GRIA2: variants seen among roughly 807,000 people sequenced by gnomAD.
GRIA2 encodes the protein glutamate ionotropic receptor AMPA type subunit 2.
A neutral mutation model predicts 97.3 loss-of-function variants in GRIA2; 14 were observed. That is an observed-to-expected ratio of 0.14 (90% CI 0.10 to 0.23). The LOEUF is 0.23. GRIA2 is among the 10% of genes least tolerant of loss of function. The pLI is 1.00. For missense variants in GRIA2, 558 were observed against 1,069.8 expected (o/e 0.52, Z 6.67); for synonymous variants, 412 against 387.8 (o/e 1.06, Z -0.73).
intron 2 of GRIA2, among the ~76,000 whole-genome samples, chr4:157,290,249 A>T (rs933268826): frequency 1.3e-5 from 2 of 151,878 alleles, no homozygotes; most frequent in African/African-American, 4.8e-5. Flanking sequence ...CTTTAGGGGA[A>T]ATATTATTTT....
chr4:157,247,659 C>T (rs1730792505), intron 2 of GRIA2, among the ~76,000 whole-genome samples: 1 of 152,046 alleles, frequency 6.6e-6, no homozygotes, highest in South Asian at 2.1e-4. Context: ...TCGGGGGAGG[C>T]AGTACACTTC....
intron 2 of GRIA2, among the ~76,000 whole-genome samples, chr4:157,276,790 A>G (rs917028017): frequency 6.6e-6 from 1 of 151,956 alleles, no homozygotes; most frequent in Non-Finnish European, 1.5e-5. Flanking sequence ...TTGACATACT[A>G]TATTAAATGG....
intron 2 of GRIA2, among the ~76,000 whole-genome samples, chr4:157,300,869 G>A (rs1259610359): frequency 1.3e-5 from 2 of 152,068 alleles, no homozygotes; most frequent in Admixed American, 1.3e-4. Flanking sequence ...GAGGTCCCTT[G>A]ACAACTCACT....
At chr4:157,317,109 C>T (rs184769202) in intron 4 of GRIA2, among the ~76,000 whole-genome samples, 143 of 152,210 alleles carry the variant, frequency 9.4e-4, no homozygotes, top group Non-Finnish European at 1.3e-3. Flanking sequence ...AAACATTTCA[C>T]GGTCCTTAGG....
chr4:157,266,258 A>G (rs970624730), intron 2 of GRIA2, among the ~76,000 whole-genome samples: 2 of 152,134 alleles, frequency 1.3e-5, no homozygotes, highest in Admixed American at 1.3e-4. Context: ...TTGGAGATGG[A>G]GAACTGCATT....
intron 2 of GRIA2, among the ~76,000 whole-genome samples, chr4:157,224,057 T>G (rs539663981): frequency 2.0e-5 from 3 of 152,340 alleles, no homozygotes; most frequent in Admixed American, 1.3e-4. Flanking sequence ...CACATTCATG[T>G]AATCAACATG....
intron 6 of GRIA2, 69 bp downstream of exon 6, chr4:157,321,668 G>C: frequency 9.5e-7 from 1 of 1,051,182 alleles, no homozygotes; most frequent in Non-Finnish European, 1.4e-6. Flanking sequence ...TGGCAAATAA[G>C]GAGGAAGGAG....
At chr4:157,272,337 T>G (rs566884601) in intron 2 of GRIA2, among the ~76,000 whole-genome samples, 1 of 152,094 alleles carries the variant, frequency 6.6e-6, no homozygotes, top group South Asian at 2.1e-4. Context: ...CTAACACAGA[T>G]GCGAAGTCAC....
chr4:157,362,914 C>T lies in GRIA2; in HGVS notation c.2522C>T (p.Ala841Val). The change falls in exon 15 of 16, where the codon GCC becomes GTC. Residue 841 changes from alanine (A) to valine (V), a missense_variant. By Grantham distance (64) the Ala-to-Val change is moderately conservative. Around this residue, in one of 8 missense-constraint regions of GRIA2, gnomAD observed 54 missense variants for 82.1 expected, o/e 0.66. Transcript: ENST00000264426. ...ATTGAGTTCTGTTACAAGTCAAGGG[C>T]CGAGGCGAAACGAATGAAGGTGGCA... is the stretch of plus-strand genomic sequence containing the variant. ...ALIEFCYKSR[A>V]EAKRMKVAKN... The T allele has an allele frequency of 6.2e-7, 1 of 1,613,524 alleles. No individual in the cohort carries two copies. The highest frequency in any genetic ancestry group is 8.5e-7 in the Non-Finnish European group (1 of 1,179,672).
intron 2 of GRIA2, among the ~76,000 whole-genome samples, chr4:157,271,449 G>A (rs1265977506): frequency 6.6e-6 from 1 of 152,020 alleles, no homozygotes; most frequent in Non-Finnish European, 1.5e-5. Context: ...GCTTAAGCAG[G>A]TCACAGAACT....
chr4:157,266,017 A>G (rs1017258938), intron 2 of GRIA2, among the ~76,000 whole-genome samples: 3 of 152,100 alleles, frequency 2.0e-5, no homozygotes, highest in African/African-American at 4.8e-5. Context: ...TGACTGCTGC[A>G]TGTAGAAGGT....
chr4:157,308,648 T>G (rs2126877579), intron 3 of GRIA2, among the ~76,000 whole-genome samples: 1 of 152,322 alleles, frequency 6.6e-6, no homozygotes, highest in Middle Eastern at 3.4e-3. Flanking sequence ...TATTGCATAC[T>G]AATAGCTTTA....
intron 2 of GRIA2, among the ~76,000 whole-genome samples, chr4:157,264,830 C>A (rs1731696286): frequency 6.6e-6 from 1 of 151,990 alleles, no homozygotes; most frequent in African/African-American, 2.4e-5. Flanking sequence ...TAAATAATAA[C>A]AACTAACATT....
intron 2 of GRIA2, among the ~76,000 whole-genome samples, chr4:157,223,615 G>C (rs769368050): frequency 6.6e-6 from 1 of 152,288 alleles, no homozygotes; most frequent in African/African-American, 2.4e-5. Flanking sequence ...TCATGCAACT[G>C]TTCTGAGTAT....
At chr4:157,357,006 T>A (rs182193341) in intron 12 of GRIA2, among the ~76,000 whole-genome samples, 20 of 152,278 alleles carry the variant, frequency 1.3e-4, no homozygotes, top group Admixed American at 8.5e-4. Context: ...TCATGCATCT[T>A]CTTAGATGAG....
In GRIA2 at chr4:157,312,758, T is replaced by C. The variant is rs1252316201; in HGVS notation, c.549T>C (p.Ile183=). Residue 183 remains isoleucine, a synonymous_variant, in exon 4 of 16, where the codon ATT becomes ATC. Transcript: ENST00000264426. ...TGACTGCTATCAATGTGGGAAACAT[T>C]AACAATGACAAGAAAGATGAGATGT... The part of the protein sequence containing the change: ...WQVTAINVGN[I]NNDKKDEMYR... The C allele has an allele frequency of 6.2e-7, 1 of 1,609,326 alleles. No individual in the cohort carries two copies. The highest frequency in any genetic ancestry group is 1.1e-5 in the South Asian group (1 of 90,884).
At chr4:157,282,768 T>G (rs1314741815) in intron 2 of GRIA2, among the ~76,000 whole-genome samples, 1 of 152,126 alleles carries the variant, frequency 6.6e-6, no homozygotes, top group Non-Finnish European at 1.5e-5. Flanking sequence ...CATATGCCTG[T>G]GTAGGAACAT....
At chr4:157,236,659 A>G (rs1025517285) in intron 2 of GRIA2, among the ~76,000 whole-genome samples, 1 of 152,132 alleles carries the variant, frequency 6.6e-6, no homozygotes, top group African/African-American at 2.4e-5. Flanking sequence ...CCCTACCTAG[A>G]GTGTATGAGT....
intron 5 of GRIA2, among the ~76,000 whole-genome samples, chr4:157,318,227 T>C (rs995324295): frequency 6.6e-6 from 1 of 152,150 alleles, no homozygotes; most frequent in South Asian, 2.1e-4. Flanking sequence ...TCTCTGTTTT[T>C]CACTGTCTCT....
Sources: gnomAD v4.1 joint callset for allele counts (sites outside exome capture counted in the v4.1 genomes callset) on GRCh38, gnomAD v4.1.1 for gene constraint, gnomAD v4.1.1 regional missense constraint, MANE v1.5 for transcripts, NCBI Gene and HGNC (gene_info 2026-07-23, HGNC 2026-07-21) for gene names.